The following NECTIN3 variants were observed in gnomAD, a reference collection of about 807,000 sequenced individuals.
NECTIN3 encodes nectin-3.
NECTIN3 carries 8 observed loss-of-function variants against 49.4 expected under a neutral mutation model. That is an observed-to-expected ratio of 0.16 (90% CI 0.10 to 0.29). NECTIN3 has a LOEUF of 0.29. Ranked by LOEUF, NECTIN3 falls within the 10% of genes least tolerant of loss-of-function variation. The probability of loss-of-function intolerance (pLI) is 1.00; values close to 1 mark genes in which losing one functional copy is unlikely to be tolerated. For synonymous variants in NECTIN3, 277 were observed against 241.1 expected, an observed-to-expected ratio of 1.15 and a Z score of -1.38; for missense variants, 581 against 654.6, an observed-to-expected ratio of 0.89 and a Z score of 1.23.
In NECTIN3 at chr3:111,118,754, G is replaced by A. The variant is rs778158059; in HGVS notation, c.601G>A (p.Val201Ile). 36 of 1,614,000 alleles carry A rather than the reference G, an allele frequency of 2.2e-5. No individual in the cohort carries two copies. The highest frequency in any genetic ancestry group is 2.0e-4 in the South Asian group (18 of 91,088). Residue 201 changes from valine (V) to isoleucine (I), a missense_variant, in exon 3 of 6, where the codon GTT (valine) becomes ATT (isoleucine). Val to Ile is a conservative substitution (Grantham distance 29, BLOSUM62 3). Coordinates refer to ENST00000485303, the MANE Select transcript of NECTIN3 (RefSeq NM_015480.3). ...TTGCATCGCAGCCACTGGAAAACCC[G>A]TTGCACATATTGACTGGGAAGGTGA... ...AICIAATGKPVAHIDWEGDLG... is the reference protein window; with the variant it reads ...AICIAATGKPIAHIDWEGDLG...
At chr3:111,118,532 A>AGT in intron 2 of NECTIN3, 124 bp from the exon 3 acceptor site, 2 of 864,144 alleles carry the variant, frequency 2.3e-6, no homozygotes, top group Non-Finnish European at 3.4e-6. Flanking sequence ...TTACCTAAAA[A>AGT]GTGTGTGTAG....
At chr3:111,168,456 G>A (rs1297737123) in intron 7 of NECTIN3, among the ~76,000 whole-genome samples, 1 of 129,722 alleles carries the variant, frequency 7.7e-6, no homozygotes, top group African/African-American at 4.7e-5. Flanking sequence ...TAACATATAT[G>A]TGTGTGCATA....
chr3:111,191,230 T>A (rs1043454054), upstream of NECTIN3, among the ~76,000 whole-genome samples: 4 of 152,232 alleles, frequency 2.6e-5, no homozygotes, highest in Non-Finnish European at 5.9e-5. Context: ...ACCAGTTGTG[T>A]GACTGGAGAC....
intron 7 of NECTIN3, among the ~76,000 whole-genome samples, chr3:111,163,703 G>A (rs897776643): frequency 9.9e-5 from 15 of 152,068 alleles, no homozygotes; most frequent in Non-Finnish European, 1.9e-4. Context: ...AATGCTAATA[G>A]GAAAGAATTA....
Position 111,112,122 on chromosome 3 carries a change from A to G in NECTIN3, c.253A>G (p.Thr85Ala), listed in dbSNP as rs761163765. 2 of 1,613,786 alleles carry G rather than the reference A, an allele frequency of 1.2e-6. No individual in the cohort carries two copies. Among genetic ancestry groups the G allele is most frequent in the Non-Finnish European group, 1.7e-6 (2 of 1,179,834 alleles). The change falls in exon 2 of 6, where the codon ACC becomes GCC. Residue 85 changes from threonine to alanine, a missense_variant. Transcript: ENST00000485303. Reference protein sequence around the residue: ...SLKCLIEVNETITQISWEKIH... With the variant: ...SLKCLIEVNEAITQISWEKIH... ...AAAGTGTTTAATTGAAGTAAATGAA[A>G]CCATAACACAGATTTCATGGGAGAA...
intron 5 of NECTIN3, 140 bp from the exon 6 acceptor site, chr3:111,133,495 A>G (rs1207674797): frequency 1.6e-6 from 2 of 1,271,360 alleles, no homozygotes; most frequent in African/African-American, 1.5e-5. Context: ...TCTAATCTTA[A>G]TCAAATTAAG....
upstream of NECTIN3, among the ~76,000 whole-genome samples, chr3:111,191,075 T>C (rs2035805091): frequency 6.6e-6 from 1 of 152,196 alleles, no homozygotes; most frequent in Non-Finnish European, 1.5e-5. Flanking sequence ...TGTTGATAGA[T>C]AATGCCTGCA....
chr3:111,136,500 A>C lies in NECTIN3; in HGVS notation c.*2285A>C. 2.0e-6 allele frequency: 2 copies of C among 982,970 alleles called. No homozygotes were observed. Among genetic ancestry groups the C allele is most frequent in the Non-Finnish European group, 2.4e-6 (2 of 827,882 alleles). The allele number at this position is 982,970 out of a possible 1,614,324, so 60.9% of individuals were successfully genotyped here. On this transcript the variant is annotated 3_prime_UTR_variant, in exon 6 of 6. Coordinates refer to ENST00000485303, the MANE Select transcript of NECTIN3 (RefSeq NM_015480.3). ...TGTAAGAATCTGATACTAGTGCTTA[A>C]GACTTTGGGAAGCATTGCACTGTTG...
At chr3:111,129,564 T>C (rs914740565) in intron 5 of NECTIN3, among the ~76,000 whole-genome samples, 2 of 152,200 alleles carry the variant, frequency 1.3e-5, no homozygotes, top group African/African-American at 4.8e-5. Context: ...TTTGTGTAAC[T>C]TAACTCTTTA....
intron 5 of NECTIN3, among the ~76,000 whole-genome samples, chr3:111,132,833 A>C (rs2034442307): frequency 1.3e-5 from 2 of 151,978 alleles, no homozygotes; most frequent in South Asian, 4.1e-4. Context: ...GAATGTTTAG[A>C]TAACTTGCCC....
chr3:111,088,285 C>T (rs367714073), intron 1 of NECTIN3, among the ~76,000 whole-genome samples: 1 of 152,162 alleles, frequency 6.6e-6, no homozygotes, highest in Non-Finnish European at 1.5e-5. Flanking sequence ...TCTGTACAAC[C>T]CAGCTGTCCT....
At chr3:111,123,789 A>G (rs968649124) in intron 4 of NECTIN3, among the ~76,000 whole-genome samples, 1 of 152,146 alleles carries the variant, frequency 6.6e-6, no homozygotes, top group African/African-American at 2.4e-5. Flanking sequence ...CTGAAGTACA[A>G]CTTTTCAACT....
intron 1 of NECTIN3, chr3:111,072,612 C>T: frequency 2.0e-6 from 3 of 1,517,162 alleles, no homozygotes; most frequent in South Asian, 2.4e-5. Context: ...TGGAATGAAG[C>T]CTCCGGGTCC....
intron 1 of NECTIN3, among the ~76,000 whole-genome samples, chr3:111,098,298 CT>C (rs2032706940): frequency 6.6e-6 from 1 of 152,184 alleles, no homozygotes; most frequent in African/African-American, 2.4e-5. Flanking sequence ...CCTAGGGCTT[CT>C]ATAACACATT....
chr3:111,078,363 A>G (rs147849699), intron 1 of NECTIN3, among the ~76,000 whole-genome samples: 3 of 152,206 alleles, frequency 2.0e-5, no homozygotes, highest in Non-Finnish European at 4.4e-5. Flanking sequence ...CATTTTTTTC[A>G]TGCTTTCAGG....
chr3:111,105,080 G>A (rs981505509), intron 1 of NECTIN3, among the ~76,000 whole-genome samples: 10 of 151,336 alleles, frequency 6.6e-5, no homozygotes, highest in African/African-American at 1.7e-4. Context: ...CACACCTTTG[G>A]TCAGATTTAT....
At chr3:111,112,559 T>C (rs2033517716) in intron 2 of NECTIN3, among the ~76,000 whole-genome samples, 188 bp downstream of exon 2, 1 of 152,184 alleles carries the variant, frequency 6.6e-6, no homozygotes, top group African/African-American at 2.4e-5. Context: ...ATCTTGTCTA[T>C]ATATACCTAC....
Position 111,121,095 on chromosome 3 carries a change from C to T in NECTIN3, c.800-1026C>T, listed in dbSNP as rs182078945. 2.1e-4 allele frequency among the ~76,000 whole-genome samples: 32 copies of T among 150,380 alleles called. No homozygotes were observed. In the East Asian group the frequency reaches 5.5e-3, roughly 26 times the overall value. On this transcript the variant is annotated intron_variant, in intron 3 of 5. Coordinates refer to ENST00000485303, the MANE Select transcript of NECTIN3 (RefSeq NM_015480.3). Reference sequence around the variant, plus strand: ...TAGGCTCACTGCAAGCTCCGCCTCCCGGGTTCGTGCCATTCTCCTGCCTCA... The same window carrying T: ...TAGGCTCACTGCAAGCTCCGCCTCCTGGGTTCGTGCCATTCTCCTGCCTCA...
chr3:111,094,586 A>G (rs2032477725), intron 1 of NECTIN3, among the ~76,000 whole-genome samples: 1 of 152,174 alleles, frequency 6.6e-6, no homozygotes, highest in African/African-American at 2.4e-5. Flanking sequence ...AAAGGATACC[A>G]AGCACAATCA....
Sources: gnomAD v4.1 joint callset for allele counts (sites outside exome capture counted in the v4.1 genomes callset) on GRCh38, gnomAD v4.1.1 for gene constraint, MANE v1.5 for transcripts, NCBI Gene and HGNC (gene_info 2026-07-23, HGNC 2026-07-21) for gene names.